The following MORC3 variants were observed in gnomAD, a reference collection of about 807,000 sequenced individuals.
MORC3 encodes the protein MORC family CW-type zinc finger protein 3.
A neutral mutation model predicts 109.1 loss-of-function variants in MORC3; 31 were observed. The observed-to-expected ratio is 0.28, with a 90% confidence interval of 0.21 to 0.38. The LOEUF is 0.38. Among genes scored for constraint, MORC3 ranks in the 10% least tolerant of loss-of-function variants. MORC3 has a pLI of 1.00. For missense variants in MORC3, 867 were observed against 1,135.8 expected, an observed-to-expected ratio of 0.76 and a Z score of 3.40; for synonymous variants, 395 against 380.7, an observed-to-expected ratio of 1.04 and a Z score of -0.44.
rs115116713 is a variant in MORC3, at chr21:36,323,142, C to T, written c.39+2839C>T. Among the ~76,000 whole-genome samples the T allele has an allele frequency of 6.8e-4, 103 of 152,268 alleles. 1 individual carries two copies. The highest frequency in any genetic ancestry group is 2.4e-3 in the African/African-American group (99 of 41,550). On this transcript the variant is annotated intron_variant, in intron 1 of 16. Coordinates refer to ENST00000400485, the MANE Select transcript of MORC3 (RefSeq NM_015358.3). ...CATTTGGAAGTCAGTTGGGAGTCAT[C>T]GGCTCAGTCGTAATTTGGGGACTTC...
rs895798499 is a variant in MORC3, at chr21:36,338,842, A to G, written c.529A>G (p.Thr177Ala). The G allele has an allele frequency of 2.5e-5, 40 of 1,613,872 alleles. No individual in the cohort carries two copies. The Admixed American group carries it at 4.0e-4, about 16-fold the overall frequency. Residue 177 changes from threonine (T) to alanine (A), a missense_variant, in exon 5 of 17, where the codon ACG (threonine) becomes GCG (alanine). Thr to Ala is a moderately conservative substitution (Grantham distance 58). This residue lies in a region of MORC3 where 134 missense variants were observed against 166.6 expected (regional missense o/e 0.80). Coordinates refer to ENST00000400485, the MANE Select transcript of MORC3 (RefSeq NM_015358.3). ...AATTCTGGAACATTCTCTGTTTTCC[A>G]CGGAACAGAAGTTACTGGCAGAACT... ...AAILEHSLFSTEQKLLAELDA... is the reference protein window; with the variant it reads ...AAILEHSLFSAEQKLLAELDA...
intron 5 of MORC3, chr21:36,339,555 A>G (rs553670080): frequency 6.6e-6 from 1 of 151,612 alleles, no homozygotes; most frequent in East Asian, 2.0e-4. Context: ...AGACAAATTC[A>G]GGAGGATAAA....
intron 6 of MORC3, among the ~76,000 whole-genome samples, chr21:36,343,873 T>C (rs2085479388): frequency 6.6e-6 from 1 of 152,112 alleles, no homozygotes; most frequent in African/African-American, 2.4e-5. Context: ...GTAATAGTAA[T>C]AGTAAATAGT....
chr21:36,369,199 G>A lies in MORC3; in HGVS notation c.1831G>A (p.Glu611Lys), dbSNP rs1386706990. The change falls in exon 15 of 17, where the codon GAG (glutamate) becomes AAG (lysine). Residue 611 changes from glutamate to lysine, a missense_variant. This residue lies in a region of MORC3 where 486 missense variants were observed against 502.1 expected (regional missense o/e 0.97). Transcript: ENST00000400485. ...CGTTGAGCAAGGTGGTGTTCAGGTT[G>A]AGTTTGTGGGTGACAGTGAACCTTG... is the stretch of plus-strand genomic sequence containing the variant. ...SHVEQGGVQV[E>K]FVGDSEPCGQ... 1 of 1,614,168 alleles carries A rather than the reference G, an allele frequency of 6.2e-7. No homozygotes were observed. The highest frequency in any genetic ancestry group is 2.2e-5 in the East Asian group (1 of 44,878).
At position 36,330,924 on chromosome 21, in the gene MORC3, C is replaced by T. The variant is rs557418760; in HGVS notation, c.40-2722C>T. On this transcript the variant is annotated intron_variant, in intron 1 of 16. Transcript: ENST00000400485. ...CTTGAGTTACCTATACTCCATATTT[C>T]ACGGATGTATGCTGTATTATGTGAT... Among the ~76,000 whole-genome samples, 6 of 152,318 alleles carry T rather than the reference C, an allele frequency of 3.9e-5. No homozygotes were observed. In the South Asian group the frequency reaches 1.2e-3, roughly 32 times the overall value.
chr21:36,320,620 T>C, intron 1 of MORC3: 1 of 276,870 alleles, frequency 3.6e-6, no homozygotes, highest in Non-Finnish European at 6.7e-6. Context: ...GAGATCGGTC[T>C]GCTCTCGGGG....
intron 1 of MORC3, among the ~76,000 whole-genome samples, chr21:36,326,504 G>A (rs2085249611): frequency 4.6e-5 from 7 of 152,132 alleles, no homozygotes; most frequent in Admixed American, 4.6e-4. Context: ...GGACAACAGA[G>A]CAAGACTCCA....
intron 10 of MORC3, 70 bp downstream of exon 10, chr21:36,356,794 G>A (rs1242817380): frequency 2.1e-6 from 2 of 938,288 alleles, no homozygotes; most frequent in African/African-American, 3.4e-5. Context: ...TAAAGGGATT[G>A]TACAATGTTT....
At chr21:36,358,692 G>C (rs1052318961) in intron 10 of MORC3, among the ~76,000 whole-genome samples, 63 of 148,214 alleles carry the variant, frequency 4.3e-4, no homozygotes, top group African/African-American at 1.4e-3. Flanking sequence ...TTTTTTTTTT[G>C]TTTTTGAGGT....
rs2085725499 is a variant in MORC3, at chr21:36,362,232, A to G, written c.1452+4A>G. On this transcript the variant is annotated splice_donor_region_variant and intron_variant, in intron 13 of 16. Coordinates refer to ENST00000400485, the MANE Select transcript of MORC3 (RefSeq NM_015358.3). ...ACAACCGGAAATGATCCCTCGGGTA[A>G]TTAAGCCTTCTTTTTTTTTTTTTTT... is the stretch of plus-strand genomic sequence containing the variant. 1.9e-6 allele frequency: 3 copies of G among 1,598,022 alleles called. No homozygotes were observed. The highest frequency in any genetic ancestry group is 8.5e-7 in the Non-Finnish European group (1 of 1,174,996).
rs200268813 is a variant in MORC3 at position 36,357,078 on chromosome 21, T to C, written c.1208+354T>C. The stretch of plus-strand genomic sequence containing the variant: ...TATTCTCATTCTGCTTAAGTAGCCA[T>C]GTGGCATTGAACATATTACTTGGCC... On this transcript the variant is annotated intron_variant, in intron 10 of 16. Coordinates refer to ENST00000400485, the MANE Select transcript of MORC3 (RefSeq NM_015358.3). 5.3e-5 allele frequency among the ~76,000 whole-genome samples: 8 copies of C among 152,358 alleles called. No individual in the cohort carries two copies. In the East Asian group the frequency reaches 1.2e-3, roughly 22 times the overall value.
At position 36,320,610 on chromosome 21, in the gene MORC3, G is replaced by A. The variant is rs887015611; in HGVS notation, c.39+307G>A. On this transcript the variant is annotated intron_variant, in intron 1 of 16. Coordinates refer to ENST00000400485, the MANE Select transcript of MORC3 (RefSeq NM_015358.3). ...TCGTCCGCGGGCGAGGCCTCGGCGG[G>A]AGATCGGTCTGCTCTCGGGGCCGCG... The A allele has an allele frequency of 3.7e-5, 11 of 296,306 alleles. 1 individual carries two copies. Among genetic ancestry groups the A allele is most frequent in the Non-Finnish European group, 5.0e-5 (8 of 161,454 alleles). 18.4% of individuals were successfully genotyped at this position (296,306 alleles called of 1,614,324 possible).
At chr21:36,350,364 C>T (rs1381573222) in intron 9 of MORC3, among the ~76,000 whole-genome samples, 2 of 151,520 alleles carry the variant, frequency 1.3e-5, no homozygotes, top group African/African-American at 2.4e-5. Flanking sequence ...CTTTAGTAGG[C>T]GGAGGATCGC....
chr21:36,347,416 C>T (rs943026223), intron 8 of MORC3, among the ~76,000 whole-genome samples: 3 of 152,164 alleles, frequency 2.0e-5, no homozygotes, highest in Non-Finnish European at 2.9e-5. Flanking sequence ...TTTTCCCAAC[C>T]GAGTTAAATT....
intron 16 of MORC3, among the ~76,000 whole-genome samples, chr21:36,374,135 G>A (rs2085902399): frequency 6.6e-6 from 1 of 152,038 alleles, no homozygotes; most frequent in South Asian, 2.1e-4. Context: ...TGATGCCCAG[G>A]CTGGAGTACA....
At chr21:36,327,508 C>T (rs1451099930) in intron 1 of MORC3, among the ~76,000 whole-genome samples, 1 of 151,112 alleles carries the variant, frequency 6.6e-6, no homozygotes, top group Non-Finnish European at 1.5e-5. Flanking sequence ...AGTAAGTGTT[C>T]TAGTGAACTG....
intron 1 of MORC3, chr21:36,320,607 C>A (rs763878433): frequency 6.8e-6 from 2 of 293,860 alleles, no homozygotes; most frequent in Non-Finnish European, 1.3e-5. Context: ...GAGGCCTCGG[C>A]GGGAGATCGG....
At chr21:36,349,454 A>G in intron 9 of MORC3, 46 bp downstream of exon 9, 2 of 1,282,006 alleles carry the variant, frequency 1.6e-6, no homozygotes, top group Non-Finnish European at 2.2e-6. Flanking sequence ...TAGGAAATGT[A>G]TTACCAAGAA....
At chr21:36,366,360 CATT>C (rs1222297197) in intron 14 of MORC3, among the ~76,000 whole-genome samples, 1 of 152,070 alleles carries the variant, frequency 6.6e-6, no homozygotes, top group Non-Finnish European at 1.5e-5. Flanking sequence ...TTGCAAAGGA[CATT>C]ATTTCTTTCT....
Sources: allele counts gnomAD v4.1 joint callset (sites outside exome capture counted in the v4.1 genomes callset), GRCh38; gene constraint gnomAD v4.1.1; regional missense constraint gnomAD v4.1.1; transcripts MANE v1.5; gene names NCBI Gene and HGNC (gene_info 2026-07-23, HGNC 2026-07-21).